IQSEC1: variants seen among roughly 807,000 people sequenced by gnomAD.
The protein encoded by IQSEC1 is IQ motif and SEC7 domain-containing protein 1.
A neutral mutation model predicts 91.0 loss-of-function variants in IQSEC1; 31 were observed. The ratio of observed to expected loss-of-function variants is 0.34; its 90% CI spans 0.26 to 0.46. The LOEUF (loss-of-function observed/expected upper bound fraction) is 0.46. IQSEC1 is among the 20% of genes least tolerant of loss of function. The pLI is 1.00. For synonymous variants in IQSEC1, 699 were observed against 662.6 expected, an observed-to-expected ratio of 1.05 and a Z score of -0.84; for missense variants, 1,388 against 1,575.6, an observed-to-expected ratio of 0.88 and a Z score of 2.02.
chr3:13,158,326 C>T (rs913915695), intron 2 of IQSEC1, among the ~76,000 whole-genome samples: 2 of 152,340 alleles, frequency 1.3e-5, no homozygotes, highest in Admixed American at 6.5e-5. Context: ...TTGTCTGCCA[C>T]GTTCAGCAGT....
Position 12,920,511 on chromosome 3 carries a change from G to A in IQSEC1, c.1939C>T (p.Leu647=). ...GGGCTGTACATGTCGGTGTTCAGCA[G>A]GATGATGGCGAAGGCCAGGATGAAA... ...TIFILAFAII[L]LNTDMYSPNV... is the part of the protein sequence containing the mutation. Residue 647 remains leucine (L), a synonymous_variant, in exon 6 of 14, where the codon CTG becomes TTG. Transcript: ENST00000613206. 6.2e-7 allele frequency: 1 copy of A among 1,614,248 alleles called. No individual in the cohort carries two copies. The highest frequency in any genetic ancestry group is 8.5e-7 in the Non-Finnish European group (1 of 1,180,042).
chr3:12,935,786 G>C lies in IQSEC1; in HGVS notation c.1230C>G (p.Ser410Arg). 6.2e-7 allele frequency: 1 copy of C among 1,607,270 alleles called. No homozygotes were observed. The highest frequency in any genetic ancestry group is 8.5e-7 in the Non-Finnish European group (1 of 1,179,752). Residue 410 changes from serine to arginine, a missense_variant, in exon 3 of 14, where the codon AGC (serine) becomes AGG (arginine). By Grantham distance (110) the Ser-to-Arg change is moderately radical. This residue lies in a region of IQSEC1 where 1,059 missense variants were observed against 1,317.8 expected (regional missense o/e 0.80). Transcript: ENST00000613206. The surrounding 1 kb of genome is among the most constrained non-coding windows in gnomAD (Gnocchi z 8.0). ...CCCGGGGGAGGCTCTTGGGGGCGCC[G>C]CTGTGGGGACCATGCTTGGGACTGC... ...QQGSPKHGPHSGAPKSLPREE... is the reference protein window; with the variant it reads ...QQGSPKHGPHRGAPKSLPREE...
chr3:13,113,065 G>A (rs1706276191), intron 2 of IQSEC1, among the ~76,000 whole-genome samples: 2 of 152,222 alleles, frequency 1.3e-5, no homozygotes, highest in Non-Finnish European at 2.9e-5. Flanking sequence ...CTCTTTCCAG[G>A]CTCCTGCTGC....
At chr3:12,961,029 CT>C (rs1700210300) in intron 1 of IQSEC1, among the ~76,000 whole-genome samples, 2 of 152,278 alleles carry the variant, frequency 1.3e-5, no homozygotes, top group African/African-American at 4.8e-5. Flanking sequence ...CCTCTGCCCA[CT>C]GCAGCAAGCT....
At position 13,145,809 on chromosome 3, in the gene IQSEC1, G is replaced by GGT. The variant is rs1416404233; in HGVS notation, c.302+18294_302+18295insAC. 1.5e-3 allele frequency among the ~76,000 whole-genome samples: 204 copies of GGT among 135,502 alleles called. 9 individuals carry two copies. The highest frequency in any genetic ancestry group is 0.011 in the Admixed American group (152 of 13,788). 88.9% of individuals were successfully genotyped at this position (135,502 alleles called of 152,430 possible). On this transcript the variant is annotated intron_variant, in intron 2 of 15. Coordinates refer to the IQSEC1 transcript ENST00000648114. ...TGAACCTGGGCGCCCGGGGGCGGGG[G>GGT]GGGGGGGTCCTGATCATTGGGAACA...
chr3:13,095,231 C>T (rs1457947788), intron 2 of IQSEC1, among the ~76,000 whole-genome samples: 1 of 152,042 alleles, frequency 6.6e-6, no homozygotes, highest in East Asian at 1.9e-4. Flanking sequence ...CCCCGTCGTT[C>T]CTGAAGGCCC....
intron 2 of IQSEC1, among the ~76,000 whole-genome samples, chr3:13,092,034 G>A (rs1184877129): frequency 2.0e-5 from 3 of 152,142 alleles, no homozygotes; most frequent in Admixed American, 2.0e-4. Flanking sequence ...CATGGTCGAG[G>A]CCAGGAGGAA....
At chr3:13,230,743 C>A (rs1025329884) in intron 1 of IQSEC1, among the ~76,000 whole-genome samples, 1 of 152,214 alleles carries the variant, frequency 6.6e-6, no homozygotes, top group African/African-American at 2.4e-5. Flanking sequence ...ACAGTTTTGG[C>A]ACCCTTAACT....
chr3:12,963,313 C>T (rs956141797), intron 1 of IQSEC1, among the ~76,000 whole-genome samples: 4 of 152,210 alleles, frequency 2.6e-5, no homozygotes, highest in Non-Finnish European at 4.4e-5. Context: ...CAAGGAGCAG[C>T]GAAGCTGCAG....
intron 2 of IQSEC1, among the ~76,000 whole-genome samples, chr3:13,129,325 T>G (rs985368001): frequency 1.3e-5 from 2 of 152,224 alleles, no homozygotes; most frequent in Non-Finnish European, 2.9e-5. Context: ...TGTAGCAGTG[T>G]CACTGTTCTC....
chr3:13,095,121 G>T (rs3846118), intron 2 of IQSEC1, among the ~76,000 whole-genome samples: 54,070 of 151,518 alleles, frequency 0.36, 10,037 homozygotes, highest in East Asian at 0.52. Context: ...ACCAGCCCAA[G>T]AATCTACCTC....
intron 1 of IQSEC1, among the ~76,000 whole-genome samples, chr3:13,171,796 C>T (rs62234222): frequency 0.21 from 31,486 of 152,124 alleles, 3,688 homozygotes; most frequent in East Asian, 0.38. Context: ...CTCAGGGGTC[C>T]CAGCCTGGTC....
In IQSEC1 at chr3:13,069,476, C is replaced by T. The variant is rs56156720; in HGVS notation, c.23+3516G>A. On this transcript the variant is annotated intron_variant, in intron 1 of 13. Transcript: ENST00000613206. ...GGGAGACCCACCAGGGCTTCGCTTC[C>T]TTCATGAAGGCCCCACTGCAAGCAG... Among the ~76,000 whole-genome samples, 351 of 152,346 alleles carry T rather than the reference C, an allele frequency of 2.3e-3. 1 individual carries two copies. Among genetic ancestry groups the T allele is most frequent in the African/African-American group, 8.0e-3 (332 of 41,588 alleles).
intron 1 of IQSEC1, among the ~76,000 whole-genome samples, chr3:13,200,669 TC>T (rs1694228135): frequency 6.6e-6 from 1 of 152,188 alleles, no homozygotes; most frequent in Non-Finnish European, 1.5e-5. Context: ...GCCCCTGCTC[TC>T]CAGGCTGGGC....
At chr3:13,147,578 T>A (rs1318298049) in intron 2 of IQSEC1, among the ~76,000 whole-genome samples, 1 of 152,208 alleles carries the variant, frequency 6.6e-6, no homozygotes, top group African/African-American at 2.4e-5. Flanking sequence ...GGATGGGCAC[T>A]TAGGTTGGTT....
intron 6 of IQSEC1, among the ~76,000 whole-genome samples, chr3:12,916,738 T>C (rs1696130922): frequency 6.6e-6 from 1 of 152,232 alleles, no homozygotes; most frequent in Non-Finnish European, 1.5e-5. Context: ...GGCAAAAGGC[T>C]GGAAGTAACC....
chr3:12,935,364 G>A lies in IQSEC1; in HGVS notation c.1568+84C>T, dbSNP rs1464722400. On this transcript the variant is annotated intron_variant, in intron 3 of 13. Coordinates refer to ENST00000613206, the MANE Select transcript of IQSEC1 (RefSeq NM_001134382.3). The surrounding 1 kb of genome is among the most constrained non-coding windows in gnomAD (Gnocchi z 8.0). ...GGCCACGGTGGACCTCAAGCTCCGTGCTTGGAAGGATGCAGCCACGCCCAC... is the reference window on the plus strand; with the variant it reads ...GGCCACGGTGGACCTCAAGCTCCGTACTTGGAAGGATGCAGCCACGCCCAC... 4.4e-6 allele frequency: 6 copies of A among 1,372,584 alleles called. No individual in the cohort carries two copies. Among genetic ancestry groups the A allele is most frequent in the African/African-American group, 4.3e-5 (3 of 70,112 alleles). The allele number at this position is 1,372,584 out of a possible 1,614,324, so 85.0% of individuals were successfully genotyped here. A position where few individuals can be genotyped will look rare whatever the true frequency, so the allele number is the denominator to read the frequency against.
chr3:13,027,549 T>C (rs1275696976), intron 1 of IQSEC1, among the ~76,000 whole-genome samples: 1 of 151,950 alleles, frequency 6.6e-6, no homozygotes, highest in African/African-American at 2.4e-5. Context: ...GGACAAGAGG[T>C]TGGATTCTAG....
At position 12,909,469 on chromosome 3, in the gene IQSEC1, G is replaced by A. The variant is rs201211749; in HGVS notation, c.2417-35C>T. On this transcript the variant is annotated intron_variant, in intron 10 of 13. Coordinates refer to ENST00000613206, the MANE Select transcript of IQSEC1 (RefSeq NM_001134382.3). This position sits in a 1 kb window ranked among gnomAD's most constrained non-coding sequence, Gnocchi z 4.9. The stretch of plus-strand genomic sequence containing the variant: ...GGAAGGAGAGGGGAGGAGGCCCACG[G>A]GTCTCAGTGTGTTCTCTGCAATCTC... The A allele has an allele frequency of 4.3e-5, 68 of 1,595,978 alleles. No individual in the cohort carries two copies. The African/African-American group carries it at 8.6e-4, about 20-fold the overall frequency.
Sources: allele counts gnomAD v4.1 joint callset (sites outside exome capture counted in the v4.1 genomes callset), GRCh38; gene constraint gnomAD v4.1.1; regional missense constraint gnomAD v4.1.1; non-coding constraint Gnocchi (gnomAD v3.1); transcripts MANE v1.5; gene names NCBI Gene and HGNC (gene_info 2026-07-23, HGNC 2026-07-21).